The following ZBTB20 variants were observed in gnomAD, a reference collection of about 807,000 sequenced individuals.
ZBTB20 encodes the protein zinc finger and BTB domain containing 20.
Under a neutral mutation model 56.9 loss-of-function variants are expected in ZBTB20, and 9 were observed. That is an observed-to-expected ratio of 0.16 (90% CI 0.10 to 0.28). The LOEUF is 0.28. ZBTB20 is among the 10% of genes least tolerant of loss of function. ZBTB20 has a pLI of 1.00. For missense variants in ZBTB20, 655 were observed against 1,003.0 expected (o/e 0.65, Z 4.69); for synonymous variants, 417 against 420.7 (o/e 0.99, Z 0.11).
chr3:114,660,505 T>C (rs1016904765), intron 6 of ZBTB20, among the ~76,000 whole-genome samples: 5 of 152,178 alleles, frequency 3.3e-5, no homozygotes, highest in Non-Finnish European at 7.3e-5. Flanking sequence ...GCCTAACTTT[T>C]ATTTTTAGGG....
intron 7 of ZBTB20, among the ~76,000 whole-genome samples, chr3:114,409,102 C>T (rs2693054): frequency 1.5e-5 from 2 of 130,076 alleles, no homozygotes; most frequent in East Asian, 4.5e-4. Context: ...TTCAAATCTT[C>T]TAAGAGGGGG....
chr3:114,485,555 T>C (rs2042021012), intron 7 of ZBTB20, among the ~76,000 whole-genome samples: 1 of 152,180 alleles, frequency 6.6e-6, no homozygotes, highest in East Asian at 1.9e-4. Flanking sequence ...GGTCAAAAAT[T>C]ATGGATTCAT....
intron 5 of ZBTB20, among the ~76,000 whole-genome samples, chr3:114,796,877 T>G (rs1001389373): frequency 6.6e-6 from 1 of 151,922 alleles, no homozygotes; most frequent in African/African-American, 2.4e-5. Flanking sequence ...ATATCAGGAC[T>G]GGAGATATAA....
intron 5 of ZBTB20, among the ~76,000 whole-genome samples, chr3:114,751,148 T>C (rs2067529230): frequency 6.6e-6 from 1 of 152,124 alleles, no homozygotes; most frequent in African/African-American, 2.4e-5. Flanking sequence ...ATACAAATCA[T>C]ATGTGTTATA....
chr3:115,009,400 C>T (rs1311726912), intron 2 of ZBTB20, among the ~76,000 whole-genome samples: 2 of 151,874 alleles, frequency 1.3e-5, no homozygotes, highest in African/African-American at 4.8e-5. Flanking sequence ...TTAGTTTCTC[C>T]TACATACCTA....
At chr3:114,774,013 T>G (rs2069409781) in intron 5 of ZBTB20, among the ~76,000 whole-genome samples, 1 of 152,214 alleles carries the variant, frequency 6.6e-6, no homozygotes, top group Non-Finnish European at 1.5e-5. Context: ...GGCAGTTATT[T>G]CCAATGATTT....
At chr3:114,818,216 T>C (rs1403506326) in intron 4 of ZBTB20, among the ~76,000 whole-genome samples, 1 of 152,170 alleles carries the variant, frequency 6.6e-6, no homozygotes, top group African/African-American at 2.4e-5. Context: ...GGTGTTTCAA[T>C]ATAAAAACTC....
Position 114,333,099 on chromosome 3 carries a change from G to A in ZBTB20, c.*5906C>T, listed in dbSNP as rs2079322451. 6.6e-6 allele frequency: 1 copy of A among 152,142 alleles called. No individual in the cohort carries two copies. The highest frequency in any genetic ancestry group is 1.5e-5 in the Non-Finnish European group (1 of 68,048). The allele number at this position is 152,142 out of a possible 1,614,324, so 9.4% of individuals were successfully genotyped here. On this transcript the variant is annotated 3_prime_UTR_variant, in exon 12 of 12. Coordinates refer to ENST00000675478, the MANE Select transcript of ZBTB20 (RefSeq NM_001348800.3). The stretch of plus-strand genomic sequence containing the variant: ...GGAGAAAAAAATCTTCAGAGACTTA[G>A]AAAACTCTTTGCAATATTTTGGTCA...
intron 5 of ZBTB20, among the ~76,000 whole-genome samples, chr3:114,739,458 G>A (rs2066420527): frequency 6.6e-6 from 1 of 151,808 alleles, no homozygotes; most frequent in South Asian, 2.1e-4. Context: ...ACCATCACAG[G>A]GCCCTGTTTA....
intron 6 of ZBTB20, among the ~76,000 whole-genome samples, chr3:114,550,106 T>A (rs2050381892): frequency 7.3e-6 from 1 of 136,936 alleles, no homozygotes; most frequent in African/African-American, 2.5e-5. Context: ...CCTAGCTAAT[T>A]TTTTTGTATT....
chr3:114,660,100 T>C (rs1375960969), intron 6 of ZBTB20, among the ~76,000 whole-genome samples: 1 of 152,146 alleles, frequency 6.6e-6, no homozygotes, highest in Non-Finnish European at 1.5e-5. Flanking sequence ...TGACCACTTG[T>C]GCTTGTTTAA....
intron 4 of ZBTB20, among the ~76,000 whole-genome samples, chr3:114,864,351 T>C (rs1243782488): frequency 6.6e-6 from 1 of 152,090 alleles, no homozygotes. Context: ...TCATTTCTTA[T>C]TGTATTGTAC....
At chr3:114,433,142 CA>C (rs2090243495) in intron 7 of ZBTB20, among the ~76,000 whole-genome samples, 1 of 151,936 alleles carries the variant, frequency 6.6e-6, no homozygotes, top group African/African-American at 2.4e-5. Flanking sequence ...GACGAGGAAA[CA>C]GAAAAAAAAG....
intron 6 of ZBTB20, among the ~76,000 whole-genome samples, chr3:114,601,092 T>C (rs1030557388): frequency 2.0e-5 from 3 of 152,024 alleles, no homozygotes; most frequent in Non-Finnish European, 4.4e-5. Context: ...CAGATTCAAC[T>C]AATGAGGGGC....
chr3:114,511,008 A>T (rs1302691837), intron 6 of ZBTB20, among the ~76,000 whole-genome samples: 3 of 152,054 alleles, frequency 2.0e-5, no homozygotes, highest in Admixed American at 6.6e-5. Flanking sequence ...AAGAAAAAAA[A>T]AAGTGAACAT....
At chr3:114,474,271 T>C (rs781450646) in intron 7 of ZBTB20, among the ~76,000 whole-genome samples, 6 of 152,218 alleles carry the variant, frequency 3.9e-5, no homozygotes, top group Non-Finnish European at 8.8e-5. Flanking sequence ...CTATGGACAC[T>C]GTAAAATTGA....
At chr3:115,017,909 A>G (rs1441720796) in intron 2 of ZBTB20, among the ~76,000 whole-genome samples, 1 of 151,612 alleles carries the variant, frequency 6.6e-6, no homozygotes. Context: ...ATGAATATTT[A>G]CTTTCAGATA....
chr3:114,741,617 G>A (rs1390082535), intron 5 of ZBTB20, among the ~76,000 whole-genome samples: 1 of 152,026 alleles, frequency 6.6e-6, no homozygotes, highest in Non-Finnish European at 1.5e-5. Context: ...GCTCACGCCT[G>A]TAATCCCAGC....
intron 3 of ZBTB20, among the ~76,000 whole-genome samples, chr3:114,921,452 C>T (rs571461978): frequency 6.6e-6 from 1 of 152,170 alleles, no homozygotes; most frequent in South Asian, 2.1e-4. Context: ...TGAGCGGATT[C>T]TACCAAGCTT....
Sources: allele counts gnomAD v4.1 joint callset (sites outside exome capture counted in the v4.1 genomes callset), GRCh38; gene constraint gnomAD v4.1.1; transcripts MANE v1.5; gene names NCBI Gene and HGNC (gene_info 2026-07-23, HGNC 2026-07-21).